KAT6A: variants seen among roughly 807,000 people sequenced by gnomAD.
KAT6A encodes the protein histone acetyltransferase KAT6A.
A neutral mutation model predicts 198.4 loss-of-function variants in KAT6A; 9 were observed. The observed-to-expected ratio is 0.05, with a 90% CI of 0.03 to 0.08. The LOEUF (loss-of-function observed/expected upper bound fraction) is 0.08, where lower values mean the gene tolerates loss of function less well. Ranked by LOEUF, KAT6A falls within the 10% of genes least tolerant of loss-of-function variation. KAT6A has a pLI of 1.00. For missense variants in KAT6A, 2,077 were observed against 2,509.9 expected (o/e 0.83, Z 3.69); for synonymous variants, 890 against 883.0 (o/e 1.01, Z -0.14).
chr8:42,047,261 G>C (rs982359562), intron 2 of KAT6A, among the ~76,000 whole-genome samples: 1 of 152,084 alleles, frequency 6.6e-6, no homozygotes, highest in African/African-American at 2.4e-5. Flanking sequence ...GTAAAAAACA[G>C]GTACTAACAA....
At chr8:42,051,857 CTGGGCGGCCG>C (rs900013113) in intron 1 of KAT6A, 34 bp downstream of exon 1, 8 of 148,696 alleles carry the variant, frequency 5.4e-5, no homozygotes, top group African/African-American at 2.0e-4. Flanking sequence ...CGGCCTCGGG[CTGGGCGGCCG>C]GGGGCGGCCG....
At chr8:42,007,798 TA>T (rs1825819166) in intron 2 of KAT6A, among the ~76,000 whole-genome samples, 1 of 151,662 alleles carries the variant, frequency 6.6e-6, no homozygotes, top group Non-Finnish European at 1.5e-5. Flanking sequence ...CCGTCTCTAC[TA>T]AAAATACAAA....
chr8:42,029,704 C>G (rs575673617), intron 2 of KAT6A, among the ~76,000 whole-genome samples: 1 of 151,676 alleles, frequency 6.6e-6, no homozygotes, highest in African/African-American at 2.4e-5. Context: ...GCGATCCTCC[C>G]GCCTTGGTCT....
chr8:41,961,733 C>T (rs914317367), intron 8 of KAT6A, among the ~76,000 whole-genome samples: 15 of 127,922 alleles, frequency 1.2e-4, no homozygotes, highest in Admixed American at 9.5e-4. Context: ...AGCCTGGTGA[C>T]AGAGCGAGAC....
chr8:42,045,240 A>G (rs558515956), intron 2 of KAT6A, among the ~76,000 whole-genome samples: 2 of 152,162 alleles, frequency 1.3e-5, no homozygotes, highest in Non-Finnish European at 2.9e-5. Context: ...AACAAACTCT[A>G]TTTTCCAACA....
intron 2 of KAT6A, among the ~76,000 whole-genome samples, chr8:42,019,603 G>A (rs994407154): frequency 2.6e-5 from 4 of 152,162 alleles, no homozygotes; most frequent in African/African-American, 9.7e-5. Context: ...ATTCACACGA[G>A]TTAAGTGATG....
chr8:41,981,790 C>T, intron 4 of KAT6A, 49 bp downstream of exon 4: 1 of 1,127,596 alleles, frequency 8.9e-7, no homozygotes, highest in Non-Finnish European at 1.3e-6. Flanking sequence ...GCTGGTCGTA[C>T]ATTCTACTAC....
chr8:42,019,658 T>C (rs1309309719), intron 2 of KAT6A, among the ~76,000 whole-genome samples: 1 of 152,206 alleles, frequency 6.6e-6, no homozygotes, highest in Non-Finnish European at 1.5e-5. Context: ...TTCATTACCC[T>C]AAATGATGGT....
At chr8:41,965,328 T>G (rs1823418725) in intron 8 of KAT6A, among the ~76,000 whole-genome samples, 1 of 152,208 alleles carries the variant, frequency 6.6e-6, no homozygotes, top group South Asian at 2.1e-4. Context: ...TCCAACTGTT[T>G]AAAAATATTA....
chr8:41,972,652 G>C (rs1237521859), intron 8 of KAT6A, among the ~76,000 whole-genome samples: 1 of 152,172 alleles, frequency 6.6e-6, no homozygotes, highest in Non-Finnish European at 1.5e-5. Context: ...AAAGACTGAG[G>C]AACTGTTCCC....
At chr8:42,046,378 A>T (rs1308697443) in intron 2 of KAT6A, among the ~76,000 whole-genome samples, 1 of 152,092 alleles carries the variant, frequency 6.6e-6, no homozygotes, top group Non-Finnish European at 1.5e-5. Flanking sequence ...TCTACTAAAA[A>T]TACAAAAATT....
intron 2 of KAT6A, among the ~76,000 whole-genome samples, chr8:42,002,925 C>T (rs1422487376): frequency 6.6e-6 from 1 of 152,178 alleles, no homozygotes; most frequent in Non-Finnish European, 1.5e-5. Flanking sequence ...ATTTTTGATC[C>T]ATACTGCCAA....
Position 41,932,184 on chromosome 8 carries a change from T to C in KAT6A, c.*21A>G, listed in dbSNP as rs760077026. On this transcript the variant is annotated 3_prime_UTR_variant, in exon 17 of 17. Coordinates refer to ENST00000265713, the MANE Select transcript of KAT6A (RefSeq NM_006766.5). ...CCTTTATTTATATATATTTAAGTTT[T>C]TGATTGCAAGTTCATCTTGCTCATC... 15 of 1,520,136 alleles carry C rather than the reference T, an allele frequency of 9.9e-6. No individual in the cohort carries two copies. The Admixed American group carries it at 2.4e-4, about 24-fold the overall frequency. 94.2% of individuals were successfully genotyped at this position (1,520,136 alleles called of 1,614,324 possible). A position where few individuals can be genotyped will look rare whatever the true frequency, so the allele number is the denominator to read the frequency against.
chr8:41,976,865 T>G lies in KAT6A; in HGVS notation c.1363+143A>C, dbSNP rs1463444869. 5.7e-6 allele frequency: 4 copies of G among 697,552 alleles called. No homozygotes were observed. In the East Asian group the frequency reaches 8.3e-5, roughly 14 times the overall value. The allele number at this position is 697,552 out of a possible 1,614,324, so 43.2% of individuals were successfully genotyped here. On this transcript the variant is annotated intron_variant, in intron 7 of 16. Transcript: ENST00000265713. ...TGCCACAGTTATCACCTCAGTATCA[T>G]CTACATGTTTTTTCAATGTGTTCTT...
intron 12 of KAT6A, among the ~76,000 whole-genome samples, chr8:41,944,893 A>G (rs527470384): frequency 2.0e-4 from 30 of 152,382 alleles, no homozygotes; most frequent in African/African-American, 7.2e-4. Flanking sequence ...GAAAATGTGT[A>G]AAACAACCAG....
rs1826733837 is a variant in KAT6A, at chr8:42,025,040, T to C, written c.600+23338A>G. ...TCTCCATACTGTTCTCCATAATGGC[T>C]GTACTAATTTACATTCTCACAACGA... On this transcript the variant is annotated intron_variant, in intron 2 of 16. Coordinates refer to ENST00000265713, the MANE Select transcript of KAT6A (RefSeq NM_006766.5). Among the ~76,000 whole-genome samples the C allele has an allele frequency of 2.0e-5, 3 of 152,192 alleles. No homozygotes were observed. The South Asian group carries it at 6.2e-4, about 31-fold the overall frequency.
intron 8 of KAT6A, among the ~76,000 whole-genome samples, chr8:41,967,458 C>G (rs1823565865): frequency 1.6e-5 from 2 of 124,504 alleles, no homozygotes; most frequent in Admixed American, 9.1e-5. Context: ...CCCCCCACCC[C>G]ACAACAGTCC....
intron 3 of KAT6A, among the ~76,000 whole-genome samples, chr8:41,985,934 T>C (rs79403673): frequency 5.8e-4 from 88 of 152,004 alleles, no homozygotes; most frequent in South Asian, 1.5e-3. Flanking sequence ...TAAGTTTTTT[T>C]TTTGTTTGTT....
At chr8:41,990,607 A>C (rs1327162094) in intron 2 of KAT6A, among the ~76,000 whole-genome samples, 4 of 152,242 alleles carry the variant, frequency 2.6e-5, no homozygotes, top group Non-Finnish European at 5.9e-5. Flanking sequence ...AACAAACATA[A>C]GGAAAGATGT....
Sources: gnomAD v4.1 joint callset for allele counts (sites outside exome capture counted in the v4.1 genomes callset) on GRCh38, gnomAD v4.1.1 for gene constraint, MANE v1.5 for transcripts, NCBI Gene and HGNC (gene_info 2026-07-23, HGNC 2026-07-21) for gene names.